Variants in ALOX5AP observed in about 807,000 individuals in gnomAD.
ALOX5AP encodes arachidonate 5-lipoxygenase activating protein.
ALOX5AP carries 9 observed loss-of-function variants against 18.5 expected under a neutral mutation model. The ratio of observed to expected loss-of-function variants is 0.49; its 90% confidence interval spans 0.29 to 0.85. The LOEUF is 0.85. ALOX5AP is among the 40% of genes least tolerant of loss of function. The pLI is 0.08. For missense variants in ALOX5AP, 172 were observed against 202.5 expected, an observed-to-expected ratio of 0.85 and a Z score of 0.91; for synonymous variants, 81 against 78.6, an observed-to-expected ratio of 1.03 and a Z score of -0.16.
chr13:30,756,007 T>C lies in ALOX5AP; in HGVS notation c.305T>C (p.Leu102Pro). 6.2e-7 allele frequency: 1 copy of C among 1,614,080 alleles called. No homozygotes were observed. Among genetic ancestry groups the C allele is most frequent in the Non-Finnish European group, 8.5e-7 (1 of 1,179,930 alleles). Residue 102 changes from leucine (L) to proline (P), a missense_variant, in exon 4 of 5, where the codon CTA (leucine) becomes CCA (proline). Coordinates refer to ENST00000380490, the MANE Select transcript of ALOX5AP (RefSeq NM_001629.4). ...FVRQKYFVGY[L>P]GERTQSTPGY... The stretch of plus-strand genomic sequence containing the variant: ...AGGCAAAAGTACTTTGTCGGTTACC[T>C]AGGAGAGAGAACGCAGAGGTAGGTA...
chr13:30,720,457 A>G lies in ALOX5AP; in HGVS notation c.116+6616A>G, dbSNP rs571553821. Among the ~76,000 whole-genome samples, 293 of 152,352 alleles carry G rather than the reference A, an allele frequency of 1.9e-3. 3 individuals are homozygous for G. The highest frequency in any genetic ancestry group is 2.4e-3 in the Non-Finnish European group (165 of 68,028). ...AGGAATGATAACAAAATATAATCAC[A>G]GTTGTAAGGGAATGTGAGCATTTCA... is the stretch of plus-strand genomic sequence containing the variant. On this transcript the variant is annotated intron_variant, in intron 1 of 5. Transcript: ENST00000617770.
intron 2 of ALOX5AP, among the ~76,000 whole-genome samples, chr13:30,751,600 T>G (rs1397334066): frequency 1.3e-5 from 2 of 152,236 alleles, no homozygotes; most frequent in African/African-American, 4.8e-5. Flanking sequence ...AAGATCACCC[T>G]TCTTTGCTCA....
intron 1 of ALOX5AP, among the ~76,000 whole-genome samples, chr13:30,727,998 A>C (rs61434754): frequency 0.036 from 5,524 of 152,248 alleles, 338 homozygotes; most frequent in African/African-American, 0.12. Context: ...TTGAGGCCCT[A>C]CCTGCCAGGA....
intron 1 of ALOX5AP, among the ~76,000 whole-genome samples, chr13:30,717,295 C>A (rs1951557742): frequency 6.6e-6 from 1 of 152,234 alleles, no homozygotes. Context: ...TTCCTCTTCA[C>A]TTACAGCAGC....
At chr13:30,733,750 C>G (rs142389794), upstream of ALOX5AP, among the ~76,000 whole-genome samples, 1 of 152,190 alleles carries the variant, frequency 6.6e-6, no homozygotes, top group East Asian at 1.9e-4. Context: ...CTGAATAGAA[C>G]AAAAAGCGGG....
chr13:30,752,313 T>A (rs1437185861), intron 3 of ALOX5AP, among the ~76,000 whole-genome samples, 191 bp downstream of exon 3: 3 of 152,222 alleles, frequency 2.0e-5, no homozygotes. Flanking sequence ...CGTGTGATAA[T>A]GCATTGCTAA....
At chr13:30,721,922 A>G (rs1951597327) in intron 1 of ALOX5AP, among the ~76,000 whole-genome samples, 1 of 152,206 alleles carries the variant, frequency 6.6e-6, no homozygotes, top group Admixed American at 6.5e-5. Context: ...ATTTGCCAAG[A>G]CAACACTTCC....
At chr13:30,740,120 C>T (rs147180881) in intron 1 of ALOX5AP, among the ~76,000 whole-genome samples, 144 of 152,294 alleles carry the variant, frequency 9.5e-4, no homozygotes, top group African/African-American at 3.3e-3. Flanking sequence ...TTTCTAAGAA[C>T]ACCTATGCAG....
At chr13:30,763,811 G>A in intron 4 of ALOX5AP, 133 bp from the exon 5 acceptor site, 1 of 833,058 alleles carries the variant, frequency 1.2e-6, no homozygotes. Flanking sequence ...AAGTAAATGG[G>A]AAAATGGAGC....
intron 2 of ALOX5AP, among the ~76,000 whole-genome samples, chr13:30,748,133 G>C (rs1951823885): frequency 6.6e-6 from 1 of 151,896 alleles, no homozygotes; most frequent in East Asian, 1.9e-4. Flanking sequence ...TGGCCAGCCT[G>C]GTCTCAAACT....
chr13:30,754,286 G>A (rs772536387), intron 3 of ALOX5AP, among the ~76,000 whole-genome samples: 6 of 152,010 alleles, frequency 3.9e-5, no homozygotes, highest in Non-Finnish European at 7.4e-5. Flanking sequence ...CTTATCTGCC[G>A]GATAACAATA....
At position 30,713,858 on chromosome 13, in the gene ALOX5AP, G is replaced by GCA; in HGVS notation, c.116+18_116+19insAC. On this transcript the variant is annotated intron_variant, in intron 1 of 5. Transcript: ENST00000617770. ...TCAGTGCTGGTGTGTGTGTGTGTGC[G>GCA]CGCACACGCGCATGTGTGTGCATCT... 7 of 1,533,666 alleles carry GCA rather than the reference G, an allele frequency of 4.6e-6. No homozygotes were observed. In the Admixed American group the frequency reaches 5.9e-5, roughly 13 times the overall value.
chr13:30,722,179 C>G (rs560984936), intron 1 of ALOX5AP, among the ~76,000 whole-genome samples: 1 of 152,332 alleles, frequency 6.6e-6, no homozygotes, highest in Admixed American at 6.5e-5. Context: ...CATTTCACTT[C>G]TTACTCTTTC....
At chr13:30,755,175 TCTCCTTCCCAAAAGGCTAGAAC>T (rs1951883104) in intron 3 of ALOX5AP, among the ~76,000 whole-genome samples, 1 of 151,866 alleles carries the variant, frequency 6.6e-6, no homozygotes, top group African/African-American at 2.4e-5. Flanking sequence ...GCAGAGGGAA[TCTCCTTCCCAAAAGGCTAGAAC>T]GCAGAGGGAA....
chr13:30,728,147 C>T (rs970666281), intron 1 of ALOX5AP, among the ~76,000 whole-genome samples: 6 of 152,166 alleles, frequency 3.9e-5, no homozygotes, highest in African/African-American at 4.8e-5. Context: ...ACAGAAACGC[C>T]AAGGGAGAAC....
At chr13:30,744,623 G>A (rs955608310) in intron 2 of ALOX5AP, among the ~76,000 whole-genome samples, 4 of 152,108 alleles carry the variant, frequency 2.6e-5, no homozygotes, top group South Asian at 4.1e-4. Context: ...TTTCTAACAC[G>A]GGGGCTCCTT....
chr13:30,753,687 A>G (rs953362601), intron 3 of ALOX5AP, among the ~76,000 whole-genome samples: 3 of 152,214 alleles, frequency 2.0e-5, no homozygotes. Flanking sequence ...GGCTTGAACG[A>G]ACATCAGAAT....
chr13:30,736,702 C>A (rs1951724790), intron 1 of ALOX5AP, among the ~76,000 whole-genome samples: 1 of 152,116 alleles, frequency 6.6e-6, no homozygotes, highest in Non-Finnish European at 1.5e-5. Context: ...GCCTCTGCAC[C>A]AGAAAGGCTC....
chr13:30,751,358 A>T (rs995924310), intron 2 of ALOX5AP, among the ~76,000 whole-genome samples: 22 of 152,082 alleles, frequency 1.4e-4, no homozygotes, highest in African/African-American at 5.1e-4. Context: ...GTTTTAAGCC[A>T]CTCAGTTTGT....
Sources: gnomAD v4.1 joint callset for allele counts (sites outside exome capture counted in the v4.1 genomes callset) on GRCh38, gnomAD v4.1.1 for gene constraint, MANE v1.5 for transcripts, NCBI Gene and HGNC (gene_info 2026-07-23, HGNC 2026-07-21) for gene names.